Variants in GGACT observed in about 807,000 individuals in gnomAD.
The protein encoded by GGACT is gamma-glutamylaminecyclotransferase.
For missense variants in GGACT, 241 were observed against 233.2 expected (o/e 1.03, Z -0.22); for synonymous variants, 118 against 115.3 (o/e 1.02, Z -0.15).
intron 2 of GGACT, among the ~76,000 whole-genome samples, chr13:100,581,880 T>G (rs551841197): frequency 6.6e-6 from 1 of 152,196 alleles, no homozygotes; most frequent in Non-Finnish European, 1.5e-5. Flanking sequence ...CCTGTGGCAG[T>G]GACTCTGTGG....
chr13:100,563,294 G>A (rs1265512906), intron 2 of GGACT, among the ~76,000 whole-genome samples: 1 of 152,148 alleles, frequency 6.6e-6, no homozygotes, highest in Non-Finnish European at 1.5e-5. Flanking sequence ...GACAGGTAGG[G>A]GGATGGGGGC....
intron 2 of GGACT, among the ~76,000 whole-genome samples, chr13:100,548,159 A>T (rs2088625772): frequency 6.6e-6 from 1 of 152,254 alleles, no homozygotes; most frequent in Admixed American, 6.5e-5. Flanking sequence ...CAACTCCGGC[A>T]GAAGGCAAGG....
chr13:100,569,443 C>T (rs1179337523), intron 2 of GGACT, among the ~76,000 whole-genome samples: 1 of 152,242 alleles, frequency 6.6e-6, no homozygotes, highest in East Asian at 1.9e-4. Flanking sequence ...CTGACCTTTA[C>T]ACTGGACCCT....
chr13:100,574,886 AAG>A (rs1196641845), intron 2 of GGACT, among the ~76,000 whole-genome samples: 2 of 152,028 alleles, frequency 1.3e-5, no homozygotes, highest in East Asian at 1.9e-4. Flanking sequence ...TTAAAAAAAA[AAG>A]AGACAGAAAT....
chr13:100,561,715 T>A (rs1350449198), intron 2 of GGACT, among the ~76,000 whole-genome samples: 4 of 152,192 alleles, frequency 2.6e-5, no homozygotes, highest in African/African-American at 9.7e-5. Flanking sequence ...CGGGATGCCC[T>A]TCACACCTCC....
At chr13:100,535,940 G>T (rs1427656499) in intron 2 of GGACT, 1 of 151,962 alleles carries the variant, frequency 6.6e-6, no homozygotes, top group South Asian at 2.1e-4. Flanking sequence ...TCTCTGTGTC[G>T]CTGCCATCCA....
At chr13:100,546,783 G>A (rs2088609365) in intron 2 of GGACT, among the ~76,000 whole-genome samples, 1 of 152,234 alleles carries the variant, frequency 6.6e-6, no homozygotes, top group Admixed American at 6.5e-5. Flanking sequence ...AGAGGAAAGG[G>A]CTGCCGCCTC....
At chr13:100,585,822 C>CAAAAAAAAAAAA (rs550006144) in intron 1 of GGACT, among the ~76,000 whole-genome samples, 6 of 29,504 alleles carry the variant, frequency 2.0e-4, no homozygotes, top group Non-Finnish European at 3.9e-4. Context: ...CTGTCTCCAC[C>CAAAAAAAAAAAA]AAAAAAAAAA....
intron 1 of GGACT, among the ~76,000 whole-genome samples, chr13:100,584,446 T>C (rs1270742727): frequency 1.3e-5 from 2 of 151,458 alleles, no homozygotes; most frequent in Admixed American, 6.6e-5. Flanking sequence ...CTGACTGAGA[T>C]AGAGATCAGA....
At chr13:100,559,160 T>C (rs1483025545) in intron 2 of GGACT, among the ~76,000 whole-genome samples, 3 of 152,140 alleles carry the variant, frequency 2.0e-5, no homozygotes, top group African/African-American at 4.8e-5. Flanking sequence ...CACTGGACTA[T>C]ACATTTTATT....
At chr13:100,573,144 C>T (rs1037906411) in intron 2 of GGACT, among the ~76,000 whole-genome samples, 18 of 152,142 alleles carry the variant, frequency 1.2e-4, no homozygotes, top group Non-Finnish European at 2.1e-4. Flanking sequence ...CCAGTTTCCT[C>T]TACAATCCTC....
chr13:100,547,324 C>G (rs558173903), intron 2 of GGACT, among the ~76,000 whole-genome samples: 1 of 152,200 alleles, frequency 6.6e-6, no homozygotes, highest in African/African-American at 2.4e-5. Flanking sequence ...TACTTGCTGC[C>G]GCAGACACAG....
At chr13:100,565,558 T>C (rs1043316033) in intron 2 of GGACT, among the ~76,000 whole-genome samples, 2 of 152,308 alleles carry the variant, frequency 1.3e-5, no homozygotes, top group Middle Eastern at 3.4e-3. Context: ...CAGAAGCTGG[T>C]TTCTAACCAC....
At chr13:100,542,956 G>A (rs549563189) in intron 2 of GGACT, among the ~76,000 whole-genome samples, 3 of 152,148 alleles carry the variant, frequency 2.0e-5, no homozygotes, top group Non-Finnish European at 4.4e-5. Context: ...AAGTGATTAC[G>A]AGTCCTTTGC....
chr13:100,546,640 C>T lies in GGACT; in HGVS notation c.-10-14039G>A, dbSNP rs181280179. Among the ~76,000 whole-genome samples the T allele has an allele frequency of 3.5e-3, 533 of 152,208 alleles. 3 individuals carry two copies. Among genetic ancestry groups the T allele is most frequent in the African/African-American group, 0.012 (495 of 41,532 alleles). On this transcript the variant is annotated intron_variant, in intron 2 of 2. Transcript: ENST00000683975. ...ACAATAAGCCATGATCTCACCACTG[C>T]AGCATGGGCCTCAGAGTGAGACCCT...
At chr13:100,560,546 A>T (rs1333333248) in intron 2 of GGACT, among the ~76,000 whole-genome samples, 2 of 152,196 alleles carry the variant, frequency 1.3e-5, no homozygotes, top group African/African-American at 4.8e-5. Flanking sequence ...ACAGGGAGTG[A>T]GCATCCGTGG....
At chr13:100,546,361 CAAAAA>C (rs778470021) in intron 2 of GGACT, among the ~76,000 whole-genome samples, 3 of 54,622 alleles carry the variant, frequency 5.5e-5, no homozygotes, top group East Asian at 5.8e-4. Flanking sequence ...GACTCTGTCT[CAAAAA>C]AAAAAAAAAA....
intron 2 of GGACT, among the ~76,000 whole-genome samples, chr13:100,555,397 A>C (rs945498246): frequency 6.6e-6 from 1 of 152,110 alleles, no homozygotes; most frequent in Non-Finnish European, 1.5e-5. Context: ...ATGGTGGTGC[A>C]TGCCTGTAGT....
chr13:100,541,020 A>G (rs1160787661), intron 2 of GGACT, among the ~76,000 whole-genome samples: 3 of 152,138 alleles, frequency 2.0e-5, no homozygotes, highest in African/African-American at 4.8e-5. Context: ...TTGTTTTTCC[A>G]TGGCACAGGG....
Sources: gnomAD v4.1 joint callset for allele counts (sites outside exome capture counted in the v4.1 genomes callset) on GRCh38, gnomAD v4.1.1 for gene constraint, MANE v1.5 for transcripts, NCBI Gene and HGNC (gene_info 2026-07-23, HGNC 2026-07-21) for gene names.